DDX55: variants seen among roughly 807,000 people sequenced by gnomAD.
DDX55 encodes ATP-dependent RNA helicase DDX55.
Under a neutral mutation model 69.2 loss-of-function variants are expected in DDX55, and 56 were observed. The observed-to-expected ratio is 0.81, with a 90% CI of 0.65 to 1.01. DDX55 has a LOEUF of 1.01. Among genes scored for constraint, DDX55 ranks in the 50% least tolerant of loss-of-function variants. DDX55 has a pLI of 0.00. For missense variants in DDX55, 720 were observed against 745.1 expected, an observed-to-expected ratio of 0.97 and a Z score of 0.39; for synonymous variants, 268 against 273.1, an observed-to-expected ratio of 0.98 and a Z score of 0.18.
At position 123,615,328 on chromosome 12, in the gene DDX55, T is replaced by A; in HGVS notation, c.956+12T>A. 6.2e-7 allele frequency: 1 copy of A among 1,612,904 alleles called. No homozygotes were observed. Among genetic ancestry groups the A allele is most frequent in the Non-Finnish European group, 8.5e-7 (1 of 1,179,308 alleles). On this transcript the variant is annotated intron_variant, in intron 9 of 13. Coordinates refer to ENST00000238146, the MANE Select transcript of DDX55 (RefSeq NM_020936.3). ...CGCAAATTGCAAAGGTGGGTGGGCT[T>A]CATTGAAGGTAGCAGCTCTCCTGCC...
chr12:123,614,323 A>C (rs1954494583), intron 8 of DDX55, among the ~76,000 whole-genome samples: 2 of 152,344 alleles, frequency 1.3e-5, no homozygotes, highest in African/African-American at 4.8e-5. Flanking sequence ...CGGTCACAGC[A>C]CAGGTGGAGG....
intron 1 of DDX55, chr12:123,605,710 G>T: frequency 1.5e-6 from 1 of 666,652 alleles, no homozygotes. Flanking sequence ...TAGAATTCAG[G>T]ACTCCCACCT....
intron 7 of DDX55, among the ~76,000 whole-genome samples, chr12:123,611,710 AGT>A (rs1171051881): frequency 6.6e-6 from 1 of 152,184 alleles, no homozygotes; most frequent in Non-Finnish European, 1.5e-5. Context: ...GTAACTGGAG[AGT>A]GTTGTCAAAA....
chr12:123,613,059 TA>T (rs1954384851), intron 7 of DDX55, 110 bp from the exon 8 acceptor site: 6 of 1,098,004 alleles, frequency 5.5e-6, no homozygotes, highest in Non-Finnish European at 8.1e-6. Context: ...AAGTCTGTCC[TA>T]CCCATGGGGG....
chr12:123,602,377 C>A, intron 1 of DDX55, 121 bp downstream of exon 1: 1 of 956,590 alleles, frequency 1.0e-6, no homozygotes, highest in Non-Finnish European at 1.5e-6. Flanking sequence ...CCAGCTGGGG[C>A]TCTTGCCTTG....
chr12:123,612,372 C>T (rs1024579014), intron 7 of DDX55, among the ~76,000 whole-genome samples: 4 of 152,120 alleles, frequency 2.6e-5, no homozygotes, highest in Admixed American at 2.6e-4. Flanking sequence ...GAAAAAATTC[C>T]AAACTGGGGA....
intron 3 of DDX55, among the ~76,000 whole-genome samples, chr12:123,607,062 A>G (rs1953936168): frequency 6.6e-6 from 1 of 152,226 alleles, no homozygotes; most frequent in South Asian, 2.1e-4. Flanking sequence ...AGAATGAATC[A>G]ATAGTATATG....
In DDX55 at chr12:123,606,138, A is replaced by C. The variant is rs776240783; in HGVS notation, c.225A>C (p.Glu75Asp). Reference sequence around the variant, plus strand: ...TCCTGGAAATTCTTCTGAGAAGAGAAGAGAAGTTAAAAAAGAGTCAGGTGA... The same window carrying C: ...TCCTGGAAATTCTTCTGAGAAGAGACGAGAAGTTAAAAAAGAGTCAGGTGA... ...IPILEILLRR[E>D]EKLKKSQVGA... Residue 75 changes from glutamate to aspartate, a missense_variant, in exon 3 of 14, where the codon GAA becomes GAC. By Grantham distance (45) the Glu-to-Asp change is conservative. Transcript: ENST00000238146. 1 of 1,614,178 alleles carries C rather than the reference A, an allele frequency of 6.2e-7. No homozygotes were observed. The highest frequency in any genetic ancestry group is 1.7e-5 in the Admixed American group (1 of 60,022).
intron 7 of DDX55, among the ~76,000 whole-genome samples, chr12:123,611,360 A>G (rs1179165527): frequency 6.6e-6 from 1 of 152,192 alleles, no homozygotes; most frequent in Non-Finnish European, 1.5e-5. Context: ...GGAGGCACAA[A>G]TGTAGAGAGC....
At chr12:123,610,890 G>GTT (rs759513993) in intron 7 of DDX55, among the ~76,000 whole-genome samples, 2,197 of 132,704 alleles carry the variant, frequency 0.017, 48 homozygotes, top group African/African-American at 0.054. Context: ...GCGCCCGGCC[G>GTT]TTTTTTTTTG....
intron 12 of DDX55, among the ~76,000 whole-genome samples, 187 bp from the exon 13 acceptor site, chr12:123,619,245 C>G (rs1397132719): frequency 6.6e-6 from 1 of 152,174 alleles, no homozygotes; most frequent in Non-Finnish European, 1.5e-5. Context: ...CCTCGTGATC[C>G]GCCCACCTCG....
chr12:123,610,560 C>T (rs540152374), intron 7 of DDX55, among the ~76,000 whole-genome samples: 198 of 150,312 alleles, frequency 1.3e-3, no homozygotes, highest in African/African-American at 4.6e-3. Context: ...TGTTCTGCTC[C>T]GTAAATGTTG....
chr12:123,616,715 C>T, intron 10 of DDX55, 112 bp downstream of exon 10: 1 of 1,176,012 alleles, frequency 8.5e-7, no homozygotes, highest in African/African-American at 1.5e-5. Flanking sequence ...TTATAGCAAG[C>T]CTCCAGCGTG....
At chr12:123,606,863 A>C (rs1473686166) in intron 3 of DDX55, among the ~76,000 whole-genome samples, 1 of 152,100 alleles carries the variant, frequency 6.6e-6, no homozygotes, top group East Asian at 1.9e-4. Flanking sequence ...GGTGTGAGCT[A>C]CCGCGCCCGG....
Position 123,619,934 on chromosome 12 carries a change from T to C in DDX55, c.1627-30T>C, listed in dbSNP as rs190574467. 2.5e-4 allele frequency: 391 copies of C among 1,590,874 alleles called. 1 individual carries two copies. In the African/African-American group the frequency reaches 4.0e-3, roughly 16 times the overall value. ...ACTACAACACTATTGCTGAAAAATT[T>C]AGTAGTTTATTGGTTTCTTCTGCAC... is the stretch of plus-strand genomic sequence containing the variant. On this transcript the variant is annotated intron_variant, in intron 13 of 13. Coordinates refer to ENST00000238146, the MANE Select transcript of DDX55 (RefSeq NM_020936.3).
rs777882464 is a variant in DDX55, at chr12:123,605,970, G to C, written c.148G>C (p.Ala50Pro). Residue 50 changes from alanine to proline, a missense_variant, in exon 2 of 14, where the codon GCT (alanine) becomes CCT (proline). Coordinates refer to ENST00000238146, the MANE Select transcript of DDX55 (RefSeq NM_020936.3). Reference sequence around the variant, plus strand: ...TCTGTTCATGCGAAACAAAGATGTCGCTGCAGAAGCGGTGAGTGCCTCGGG... The same window carrying C: ...TCTGTTCATGCGAAACAAAGATGTCCCTGCAGAAGCGGTGAGTGCCTCGGG... ...IPLFMRNKDV[A>P]AEAVTGSGKT... The C allele has an allele frequency of 1.9e-6, 3 of 1,613,978 alleles. No individual in the cohort carries two copies.
chr12:123,618,588 T>C, intron 11 of DDX55, 81 bp from the exon 12 acceptor site: 3 of 1,563,788 alleles, frequency 1.9e-6, no homozygotes, highest in Admixed American at 3.8e-5. Flanking sequence ...TTCGCTTTTG[T>C]TTTTCTTGGT....
In DDX55 at chr12:123,606,167, C is replaced by A; in HGVS notation, c.246+8C>A. Reference sequence around the variant, plus strand: ...AAGTTAAAAAAGAGTCAGGTGAGGACAACAAAAGTGATTTATTTTCACCTA... The same window carrying A: ...AAGTTAAAAAAGAGTCAGGTGAGGAAAACAAAAGTGATTTATTTTCACCTA... On this transcript the variant is annotated splice_region_variant and intron_variant, in intron 3 of 13. Transcript: ENST00000238146. 6.2e-7 allele frequency: 1 copy of A among 1,613,676 alleles called. No homozygotes were observed. The highest frequency in any genetic ancestry group is 8.5e-7 in the Non-Finnish European group (1 of 1,179,906).
intron 7 of DDX55, among the ~76,000 whole-genome samples, chr12:123,610,620 T>TTG (rs1473857518): frequency 6.9e-6 from 1 of 145,724 alleles, no homozygotes; most frequent in East Asian, 2.0e-4. Context: ...TTTTTTTTTT[T>TTG]TTTTTTTTTG....
Sources: gnomAD v4.1 joint callset for allele counts (sites outside exome capture counted in the v4.1 genomes callset) on GRCh38, gnomAD v4.1.1 for gene constraint, MANE v1.5 for transcripts, NCBI Gene and HGNC (gene_info 2026-07-23, HGNC 2026-07-21) for gene names.